Variants in RSU1 observed in about 807,000 individuals in gnomAD.
RSU1 encodes the protein Ras suppressor protein 1, also known as rsu-1.
In RSU1, 26 loss-of-function variants were observed where a neutral mutation model predicts 31.1. The ratio of observed to expected loss-of-function variants is 0.84; its 90% CI spans 0.61 to 1.16. The LOEUF is 1.16. Ranked by LOEUF, RSU1 falls within the 50% of genes most tolerant of loss-of-function variation. The pLI, the probability that RSU1 is intolerant of heterozygous loss-of-function variation, is 0.00. For missense variants in RSU1, 320 were observed against 339.1 expected, an observed-to-expected ratio of 0.94 and a Z score of 0.44; for synonymous variants, 164 against 136.3, an observed-to-expected ratio of 1.20 and a Z score of -1.41.
At chr10:16,670,663 T>G (rs1835088781) in intron 8 of RSU1, among the ~76,000 whole-genome samples, 1 of 152,302 alleles carries the variant, frequency 6.6e-6, no homozygotes, top group South Asian at 2.1e-4. Context: ...AACCTCAAAT[T>G]TAGTGCACAT....
At chr10:16,752,009 A>G (rs893899025) in intron 7 of RSU1, among the ~76,000 whole-genome samples, 3 of 152,186 alleles carry the variant, frequency 2.0e-5, no homozygotes, top group Non-Finnish European at 2.9e-5. Context: ...CAGCAAGAAC[A>G]TATTTAACAA....
intron 3 of RSU1, among the ~76,000 whole-genome samples, chr10:16,777,046 T>C (rs1288420055): frequency 6.6e-6 from 1 of 152,142 alleles, no homozygotes; most frequent in Non-Finnish European, 1.5e-5. Context: ...AAGGAAAACT[T>C]CACTTAAAAA....
chr10:16,786,294 T>C (rs1837790368), intron 2 of RSU1, among the ~76,000 whole-genome samples: 1 of 152,248 alleles, frequency 6.6e-6, no homozygotes, highest in Admixed American at 6.5e-5. Flanking sequence ...ATCATTATTA[T>C]TTACAGTGAT....
intron 7 of RSU1, among the ~76,000 whole-genome samples, chr10:16,701,107 T>A (rs1835783804): frequency 6.6e-6 from 1 of 152,198 alleles, no homozygotes; most frequent in Non-Finnish European, 1.5e-5. Flanking sequence ...GAGCAAAGGA[T>A]AAACATTAAT....
chr10:16,684,926 A>G (rs775555407), intron 8 of RSU1, among the ~76,000 whole-genome samples: 1 of 152,226 alleles, frequency 6.6e-6, no homozygotes, highest in Non-Finnish European at 1.5e-5. Context: ...GTGCATTTTG[A>G]CAATGACAGT....
chr10:16,594,774 A>ATC (rs1401571578), intron 8 of RSU1, among the ~76,000 whole-genome samples: 1 of 145,328 alleles, frequency 6.9e-6, no homozygotes, highest in African/African-American at 2.5e-5. Context: ...TCTATTATAT[A>ATC]TCATATATAT....
intron 8 of RSU1, among the ~76,000 whole-genome samples, chr10:16,686,093 A>G (rs1035786635): frequency 6.6e-6 from 1 of 152,204 alleles, no homozygotes; most frequent in African/African-American, 2.4e-5. Context: ...AACTGACAAC[A>G]CAGAAGAATC....
chr10:16,797,856 C>CTTTTTTT (rs766748303), intron 2 of RSU1, among the ~76,000 whole-genome samples: 10 of 103,512 alleles, frequency 9.7e-5, no homozygotes, highest in Non-Finnish European at 1.4e-4. Flanking sequence ...GGGATTTCTT[C>CTTTTTTT]TTTTTTTTTT....
intron 8 of RSU1, among the ~76,000 whole-genome samples, chr10:16,647,994 GC>G (rs1183077611): frequency 1.3e-5 from 2 of 151,898 alleles, no homozygotes; most frequent in Non-Finnish European, 2.9e-5. Flanking sequence ...TGTCACCCAG[GC>G]TGGAGTGTGG....
At chr10:16,608,379 A>T (rs1002795431) in intron 8 of RSU1, among the ~76,000 whole-genome samples, 1 of 152,128 alleles carries the variant, frequency 6.6e-6, no homozygotes, top group Non-Finnish European at 1.5e-5. Flanking sequence ...ATGATATTTT[A>T]AAAATCCTTA....
At chr10:16,782,883 CGT>C (rs138836348) in intron 2 of RSU1, among the ~76,000 whole-genome samples, 3 of 150,596 alleles carry the variant, frequency 2.0e-5, no homozygotes, top group South Asian at 4.2e-4. Flanking sequence ...TGCATATACA[CGT>C]GTGTGTGTGT....
chr10:16,631,012 T>G (rs908574394), intron 8 of RSU1, among the ~76,000 whole-genome samples: 1 of 152,252 alleles, frequency 6.6e-6, no homozygotes, highest in African/African-American at 2.4e-5. Flanking sequence ...TTAATCTGCA[T>G]TGTTTTCAGT....
chr10:16,805,404 G>A (rs1838244813), intron 2 of RSU1, among the ~76,000 whole-genome samples: 1 of 152,258 alleles, frequency 6.6e-6, no homozygotes, highest in East Asian at 1.9e-4. Context: ...GGGAGCGGTG[G>A]CTCACGCCTG....
At chr10:16,599,019 C>T (rs531490457) in intron 8 of RSU1, among the ~76,000 whole-genome samples, 1 of 152,316 alleles carries the variant, frequency 6.6e-6, no homozygotes, top group Admixed American at 6.5e-5. Context: ...GAAGTGCAAA[C>T]AGCTTTGCAA....
chr10:16,770,124 G>C (rs1837393671), intron 3 of RSU1, among the ~76,000 whole-genome samples: 1 of 152,102 alleles, frequency 6.6e-6, no homozygotes, highest in South Asian at 2.1e-4. Flanking sequence ...TGACGGTACA[G>C]ACAGATCGGC....
intron 7 of RSU1, among the ~76,000 whole-genome samples, chr10:16,717,897 G>A (rs117066795): frequency 0.021 from 3,207 of 151,950 alleles, 53 homozygotes; most frequent in Non-Finnish European, 0.031. Flanking sequence ...AATTTTGGAC[G>A]CGGGTGAGGA....
chr10:16,784,083 T>A (rs1007149543), intron 2 of RSU1, among the ~76,000 whole-genome samples: 3 of 137,652 alleles, frequency 2.2e-5, no homozygotes, highest in African/African-American at 9.6e-5. Context: ...TCCCTCTATG[T>A]ACAATTTTTT....
chr10:16,646,065 C>CATATATGTGTATATATATATAT lies in RSU1; in HGVS notation c.731+48957_731+48958insATATATATATATACACATATAT, dbSNP rs1564298727. On this transcript the variant is annotated intron_variant, in intron 8 of 8. Transcript: ENST00000345264. ...ACATATATGTGTATATATATATACA[C>CATATATGTGTATATATATATAT]ACACACACACACACACACACACACA... is the stretch of plus-strand genomic sequence containing the variant. 5.3e-5 allele frequency among the ~76,000 whole-genome samples: 2 copies of CATATATGTGTATATATATATAT among 37,748 alleles called. 1 individual carries two copies. The highest frequency in any genetic ancestry group is 2.1e-4 in the African/African-American group (2 of 9,688). The allele number at this position is 37,748 out of a possible 152,430, so 24.8% of individuals were successfully genotyped here.
intron 7 of RSU1, among the ~76,000 whole-genome samples, chr10:16,710,412 C>A (rs1008401351): frequency 6.6e-6 from 1 of 152,094 alleles, no homozygotes; most frequent in Non-Finnish European, 1.5e-5. Context: ...TTGTTAATAT[C>A]TTATTAAGAA....
Sources: gnomAD v4.1 joint callset for allele counts (sites outside exome capture counted in the v4.1 genomes callset) on GRCh38, gnomAD v4.1.1 for gene constraint, MANE v1.5 for transcripts, NCBI Gene and HGNC (gene_info 2026-07-23, HGNC 2026-07-21) for gene names.